Variants in CUL5 observed in about 807,000 individuals in gnomAD.
CUL5 encodes cullin-5.
CUL5 carries 26 observed loss-of-function variants against 108.8 expected under a neutral mutation model. That is an observed-to-expected ratio of 0.24 (90% confidence interval 0.18 to 0.33). The LOEUF is 0.33. Among genes scored for constraint, CUL5 ranks in the 10% least tolerant of loss-of-function variants. The pLI, the probability that CUL5 is intolerant of heterozygous loss-of-function variation, is 1.00. For synonymous variants in CUL5, 334 were observed against 298.0 expected (o/e 1.12, Z -1.25); for missense variants, 524 against 909.2 (o/e 0.58, Z 5.45).
intron 1 of CUL5, among the ~76,000 whole-genome samples, chr11:108,022,994 A>G (rs542194650): frequency 1.3e-5 from 2 of 152,338 alleles, no homozygotes; most frequent in South Asian, 4.1e-4. Flanking sequence ...CACGCCTGTA[A>G]TCCTAGCACT....
chr11:108,044,701 C>T (rs1863024289), intron 2 of CUL5, among the ~76,000 whole-genome samples: 1 of 151,328 alleles, frequency 6.6e-6, no homozygotes, highest in Non-Finnish European at 1.5e-5. Flanking sequence ...CTCTGATTTA[C>T]AACTTGGTCA....
At chr11:108,073,592 T>TAA (rs1565258898) in intron 10 of CUL5, 95 bp downstream of exon 10, 2 of 531,512 alleles carry the variant, frequency 3.8e-6, no homozygotes, top group African/African-American at 3.9e-5. Flanking sequence ...CTATTAATTA[T>TAA]AAACTTAAAA....
At chr11:108,055,727 C>G (rs1863360016) in intron 7 of CUL5, among the ~76,000 whole-genome samples, 1 of 151,916 alleles carries the variant, frequency 6.6e-6, no homozygotes, top group Non-Finnish European at 1.5e-5. Flanking sequence ...GCCTCTCAGG[C>G]TCAAGCAGTT....
Position 108,009,218 on chromosome 11 carries a change from C to G in CUL5, c.-131C>G. 1.1e-6 allele frequency: 1 copy of G among 919,274 alleles called. No individual in the cohort carries two copies. The highest frequency in any genetic ancestry group is 1.6e-5 in the African/African-American group (1 of 60,640). 56.9% of individuals were successfully genotyped at this position (919,274 alleles called of 1,614,324 possible). A position where few individuals can be genotyped will look rare whatever the true frequency, so the allele number is the denominator to read the frequency against. On this transcript the variant is annotated 5_prime_UTR_variant, in exon 1 of 19. Transcript: ENST00000393094. ...AGGTCAGCGCTGTCGGCGCGCTGCTCCAGCGCCCACCACACCCTGGTGCGG... is the reference window on the plus strand; with the variant it reads ...AGGTCAGCGCTGTCGGCGCGCTGCTGCAGCGCCCACCACACCCTGGTGCGG...
At chr11:108,096,846 C>T (rs1428946839) in intron 16 of CUL5, among the ~76,000 whole-genome samples, 1 of 151,640 alleles carries the variant, frequency 6.6e-6, no homozygotes, top group Non-Finnish European at 1.5e-5. Flanking sequence ...GATTACAGGC[C>T]TGAGCTACTG....
At chr11:108,073,242 C>G in intron 9 of CUL5, 148 bp from the exon 10 acceptor site, 1 of 485,916 alleles carries the variant, frequency 2.1e-6, no homozygotes. Context: ...AGTGGCAAAA[C>G]AGTAATATTG....
chr11:108,103,298 C>A (rs1864715662), intron 18 of CUL5, among the ~76,000 whole-genome samples: 1 of 152,018 alleles, frequency 6.6e-6, no homozygotes, highest in Non-Finnish European at 1.5e-5. Context: ...TCGTGGCTTA[C>A]ACCTGTAATC....
chr11:108,026,297 C>A (rs1261177251), intron 1 of CUL5, among the ~76,000 whole-genome samples: 2 of 152,132 alleles, frequency 1.3e-5, no homozygotes, highest in Non-Finnish European at 2.9e-5. Flanking sequence ...AAATCCATGA[C>A]CACAATGAGG....
intron 10 of CUL5, among the ~76,000 whole-genome samples, chr11:108,075,207 A>C (rs1328396622): frequency 6.6e-6 from 1 of 150,844 alleles, no homozygotes; most frequent in East Asian, 1.9e-4. Flanking sequence ...TTTTTTTTTT[A>C]ATGCAAGTAG....
At chr11:108,102,388 A>G (rs1864694370) in intron 18 of CUL5, among the ~76,000 whole-genome samples, 1 of 152,044 alleles carries the variant, frequency 6.6e-6, no homozygotes, top group South Asian at 2.1e-4. Flanking sequence ...GTGCAGTGGT[A>G]CAATCTCAGC....
At chr11:108,015,648 A>G (rs924322603) in intron 1 of CUL5, among the ~76,000 whole-genome samples, 4 of 152,204 alleles carry the variant, frequency 2.6e-5, no homozygotes, top group African/African-American at 9.6e-5. Flanking sequence ...GGTCATGGGT[A>G]GGAATGGGAG....
At chr11:108,016,749 C>T (rs1410263115) in intron 1 of CUL5, among the ~76,000 whole-genome samples, 1 of 151,942 alleles carries the variant, frequency 6.6e-6, no homozygotes, top group African/African-American at 2.4e-5. Context: ...TTGCTTGAGG[C>T]CAGGAGTTTG....
intron 11 of CUL5, among the ~76,000 whole-genome samples, chr11:108,080,005 A>C (rs1010602664): frequency 6.6e-6 from 1 of 151,914 alleles, no homozygotes; most frequent in African/African-American, 2.4e-5. Context: ...ATTCTCACCA[A>C]TGTTTAGTGT....
chr11:108,044,698 T>G (rs1367625787), intron 2 of CUL5, among the ~76,000 whole-genome samples: 3 of 152,002 alleles, frequency 2.0e-5, no homozygotes, highest in Non-Finnish European at 4.4e-5. Context: ...TTTCTCTGAT[T>G]TACAACTTGG....
At chr11:108,088,397 T>C in intron 11 of CUL5, 130 bp from the exon 12 acceptor site, 1 of 983,240 alleles carries the variant, frequency 1.0e-6, no homozygotes, top group Non-Finnish European at 1.5e-6. Context: ...GATGCTTGCT[T>C]ATCCTAGTTC....
chr11:108,044,468 A>G (rs1376809037), intron 2 of CUL5, among the ~76,000 whole-genome samples: 1 of 152,020 alleles, frequency 6.6e-6, no homozygotes, highest in African/African-American at 2.4e-5. Flanking sequence ...TGTTCATGCC[A>G]CTACACCTCA....
Position 108,046,315 on chromosome 11 carries a change from A to C in CUL5, c.180A>C (p.Lys60Asn). Residue 60 changes from lysine to asparagine, a missense_variant, in exon 3 of 19, where the codon AAA (lysine) becomes AAC (asparagine). By Grantham distance (94) the Lys-to-Asn change is moderately conservative. Coordinates refer to ENST00000393094, the MANE Select transcript of CUL5 (RefSeq NM_003478.6). Reference protein sequence around the residue: ...VCLWDDKGPAKIHQALKEDIL... With the variant: ...VCLWDDKGPANIHQALKEDIL... The stretch of plus-strand genomic sequence containing the variant: ...TTTGGGATGATAAAGGCCCAGCAAA[A>C]ATTCATCAGGCTTTAAAAGAAGATA... The C allele has an allele frequency of 6.2e-7, 1 of 1,613,310 alleles. No homozygotes were observed. The highest frequency in any genetic ancestry group is 8.5e-7 in the Non-Finnish European group (1 of 1,179,636).
rs918190060 is a variant in CUL5, at chr11:108,087,388, C to T, written c.1179-1139C>T. On this transcript the variant is annotated intron_variant, in intron 11 of 18. Transcript: ENST00000393094. ...ATAGCTCAATCCTTGGAAAACAATA[C>T]TTGAATTTTATAAGCACAAGAAATT... Among the ~76,000 whole-genome samples the T allele has an allele frequency of 5.9e-5, 9 of 152,256 alleles. No homozygotes were observed. In the East Asian group the frequency reaches 7.7e-4, roughly 13 times the overall value.
intron 11 of CUL5, among the ~76,000 whole-genome samples, chr11:108,087,333 G>A (rs1292591601): frequency 6.6e-6 from 1 of 152,150 alleles, no homozygotes; most frequent in East Asian, 1.9e-4. Context: ...TGTAATTGTT[G>A]TTTGGATTAT....
Sources: allele counts gnomAD v4.1 joint callset (sites outside exome capture counted in the v4.1 genomes callset), GRCh38; gene constraint gnomAD v4.1.1; transcripts MANE v1.5; gene names NCBI Gene and HGNC (gene_info 2026-07-23, HGNC 2026-07-21).